Variants in CREBRF observed in about 807,000 individuals in gnomAD.
CREBRF encodes UPF0474 protein C5orf41.
A neutral mutation model predicts 66.1 loss-of-function variants in CREBRF; 5 were observed. The ratio of observed to expected loss-of-function variants is 0.08; its 90% CI spans 0.04 to 0.16. The LOEUF (loss-of-function observed/expected upper bound fraction) is 0.16. Among genes scored for constraint, CREBRF ranks in the 10% least tolerant of loss-of-function variants. CREBRF has a pLI of 1.00. For synonymous variants in CREBRF, 229 were observed against 264.4 expected (o/e 0.87, Z 1.30); for missense variants, 531 against 744.9 (o/e 0.71, Z 3.34).
At chr5:173,127,088 A>T (rs1759291595) in intron 8 of CREBRF, among the ~76,000 whole-genome samples, 1 of 152,114 alleles carries the variant, frequency 6.6e-6, no homozygotes, top group Non-Finnish European at 1.5e-5. Context: ...CAAAAACAAC[A>T]ATAACAACAA....
At chr5:173,115,898 C>A (rs1758978245) in intron 7 of CREBRF, among the ~76,000 whole-genome samples, 1 of 152,238 alleles carries the variant, frequency 6.6e-6, no homozygotes, top group Admixed American at 6.5e-5. Flanking sequence ...GCATGAGCCA[C>A]CGCGCCCGGC....
chr5:173,068,039 A>G (rs1757487309), intron 1 of CREBRF: 1 of 361,330 alleles, frequency 2.8e-6, no homozygotes, highest in African/African-American at 2.2e-5. Context: ...CTTCTGTTTT[A>G]AAATGTATAT....
At chr5:173,092,104 TA>T (rs778622115) in intron 4 of CREBRF, 21 of 806,598 alleles carry the variant, frequency 2.6e-5, no homozygotes, top group South Asian at 1.7e-4. Flanking sequence ...AAATAATAAA[TA>T]AAAATATTAC....
chr5:173,128,549 TTTTGCTTC>T (rs985319065), intron 8 of CREBRF, among the ~76,000 whole-genome samples: 3 of 152,012 alleles, frequency 2.0e-5, no homozygotes, highest in African/African-American at 7.2e-5. Context: ...TTTTCTGTGT[TTTTGCTTC>T]TGAATGTCAG....
chr5:173,129,151 C>G (rs1406798855), intron 8 of CREBRF, among the ~76,000 whole-genome samples: 1 of 112,194 alleles, frequency 8.9e-6, no homozygotes, highest in African/African-American at 3.5e-5. Flanking sequence ...GAGTCTCGCT[C>G]TATTGCCCAG....
At chr5:173,107,710 C>T (rs1389998743) in intron 4 of CREBRF, among the ~76,000 whole-genome samples, 2 of 152,086 alleles carry the variant, frequency 1.3e-5, no homozygotes, top group South Asian at 2.1e-4. Context: ...CATGGTGGCT[C>T]ATGCCTGTAA....
At chr5:173,077,594 T>A (rs368542137) in intron 1 of CREBRF, among the ~76,000 whole-genome samples, 1 of 152,202 alleles carries the variant, frequency 6.6e-6, no homozygotes. Context: ...GGTTTCACCA[T>A]GTTGGCCAGG....
At chr5:173,104,603 C>T (rs899277833) in intron 4 of CREBRF, among the ~76,000 whole-genome samples, 1 of 151,852 alleles carries the variant, frequency 6.6e-6, no homozygotes, top group Non-Finnish European at 1.5e-5. Flanking sequence ...TTGCTTGAGC[C>T]GGGGAGGTCG....
chr5:173,128,409 A>G (rs1237244487), intron 8 of CREBRF, among the ~76,000 whole-genome samples: 1 of 151,726 alleles, frequency 6.6e-6, no homozygotes, highest in Non-Finnish European at 1.5e-5. Context: ...CTGTTTTATA[A>G]TAAGATTCCC....
intron 7 of CREBRF, among the ~76,000 whole-genome samples, chr5:173,121,307 T>A (rs1337620405): frequency 6.6e-6 from 1 of 151,724 alleles, no homozygotes; most frequent in Non-Finnish European, 1.5e-5. Flanking sequence ...TTCCCTCCTT[T>A]ACTTACTTTG....
At chr5:173,129,106 CTTTTTTTT>C (rs70984946) in intron 8 of CREBRF, among the ~76,000 whole-genome samples, 1 of 53,704 alleles carries the variant, frequency 1.9e-5, no homozygotes, top group Admixed American at 2.7e-4. Flanking sequence ...TTAGTTACAT[CTTTTTTTT>C]TTTTTTTTTT....
intron 4 of CREBRF, among the ~76,000 whole-genome samples, chr5:173,105,860 C>T (rs1281158380): frequency 3.0e-5 from 4 of 134,860 alleles, no homozygotes; most frequent in Admixed American, 1.5e-4. Context: ...CCTCCTGATC[C>T]GCCCGCCTCG....
chr5:173,116,401 C>A (rs1227685472), intron 7 of CREBRF, among the ~76,000 whole-genome samples: 1 of 152,178 alleles, frequency 6.6e-6, no homozygotes, highest in Non-Finnish European at 1.5e-5. Context: ...CCACTCCTAT[C>A]CCTGGATAGC....
intron 4 of CREBRF, among the ~76,000 whole-genome samples, chr5:173,097,248 G>C (rs1758500979): frequency 7.5e-6 from 1 of 133,386 alleles, no homozygotes; most frequent in Non-Finnish European, 1.7e-5. Context: ...TTAGTTCATT[G>C]AGAGTTTTTG....
At chr5:173,062,934 A>G (rs11953403) in intron 1 of CREBRF, among the ~76,000 whole-genome samples, 19,833 of 151,516 alleles carry the variant, frequency 0.13, 2,181 homozygotes, top group African/African-American at 0.29. Flanking sequence ...TTTTTAGTAG[A>G]GACGGGGTTT....
chr5:173,134,416 G>A lies in CREBRF; in HGVS notation c.*671G>A. ...TGAAAACCCTAATGAGAAAAAACAAGATATATAGATGGAAAAATTATGGGG... is the reference window on the plus strand; with the variant it reads ...TGAAAACCCTAATGAGAAAAAACAAAATATATAGATGGAAAAATTATGGGG... On this transcript the variant is annotated 3_prime_UTR_variant, in exon 9 of 9. Transcript: ENST00000296953. The A allele has an allele frequency of 3.1e-6, 1 of 320,354 alleles. No homozygotes were observed. 19.8% of individuals were successfully genotyped at this position (320,354 alleles called of 1,614,324 possible).
rs562222932 is a variant in CREBRF at position 173,125,850 on chromosome 5, C to T, written c.1804+2648C>T. Among the ~76,000 whole-genome samples, 115 of 152,214 alleles carry T rather than the reference C, an allele frequency of 7.6e-4. No individual in the cohort carries two copies. The Middle Eastern group carries it at 0.01, about 14-fold the overall frequency. The stretch of plus-strand genomic sequence containing the variant: ...CTGCGCTCCCGCCTGGGCGACAGAG[C>T]GAGACTCCTTTTCAAAAAAACAAAA... On this transcript the variant is annotated intron_variant, in intron 8 of 8. Transcript: ENST00000296953.
At chr5:173,089,184 A>G (rs1247977139) in intron 3 of CREBRF, among the ~76,000 whole-genome samples, 1 of 149,820 alleles carries the variant, frequency 6.7e-6, no homozygotes, top group Admixed American at 6.7e-5. Context: ...CTCAAAAAAA[A>G]AAAAAACAAA....
At chr5:173,107,796 T>A (rs1219262551) in intron 4 of CREBRF, among the ~76,000 whole-genome samples, 1 of 150,622 alleles carries the variant, frequency 6.6e-6, no homozygotes, top group African/African-American at 2.4e-5. Context: ...GGCAACATAG[T>A]GAGACCTCTG....
Sources: gnomAD v4.1 joint callset for allele counts (sites outside exome capture counted in the v4.1 genomes callset) on GRCh38, gnomAD v4.1.1 for gene constraint, MANE v1.5 for transcripts, NCBI Gene and HGNC (gene_info 2026-07-23, HGNC 2026-07-21) for gene names.